SMTNL1: variants seen among roughly 807,000 people sequenced by gnomAD.
The protein encoded by SMTNL1 is smoothelin like 1, also known as smoothelin-like protein 1.
Under a neutral mutation model 46.6 loss-of-function variants are expected in SMTNL1, and 41 were observed. The observed-to-expected ratio is 0.88, with a 90% CI of 0.69 to 1.14. The LOEUF is 1.14. Among genes scored for constraint, SMTNL1 ranks in the 50% most tolerant of loss-of-function variants. The pLI, the probability that SMTNL1 is intolerant of heterozygous loss-of-function variation, is 0.00. For synonymous variants in SMTNL1, 234 were observed against 234.2 expected (o/e 1.00, Z 0.01); for missense variants, 591 against 626.1 (o/e 0.94, Z 0.60).
chr11:57,545,898 A>T lies in SMTNL1; in HGVS notation c.935A>T (p.Asp312Val). ...SPSASESSPS[D>V]VPQSPPESPS... ...CCATATAGTGAGTCTTCACCCAGCGACGTGCCCCAGAGTCCCCCTGAGTCC... is the reference window on the plus strand; with the variant it reads ...CCATATAGTGAGTCTTCACCCAGCGTCGTGCCCCAGAGTCCCCCTGAGTCC... Residue 312 changes from aspartate to valine, a missense_variant, in exon 5 of 8, where the codon GAC becomes GTC. Transcript: ENST00000527972. 1 of 1,613,302 alleles carries T rather than the reference A, an allele frequency of 6.2e-7. No individual in the cohort carries two copies. Among genetic ancestry groups the T allele is most frequent in the Non-Finnish European group, 8.5e-7 (1 of 1,179,620 alleles).
chr11:57,545,761 C>A, intron 4 of SMTNL1, 120 bp from the exon 5 acceptor site: 1 of 978,632 alleles, frequency 1.0e-6, no homozygotes, highest in Non-Finnish European at 1.5e-6. Flanking sequence ...GTGCTGGGCA[C>A]AGCTGCACAC....
chr11:57,541,138 A>C (rs1276481280), intron 1 of SMTNL1, among the ~76,000 whole-genome samples: 1 of 152,164 alleles, frequency 6.6e-6, no homozygotes, highest in African/African-American at 2.4e-5. Context: ...GAGGGCATCG[A>C]ATTCAGGAAC....
rs1944946935 is a variant in SMTNL1, at chr11:57,550,091, G to C, written c.1464G>C (p.Leu488=). The C allele has an allele frequency of 6.8e-6, 11 of 1,613,414 alleles. No homozygotes were observed. The East Asian group carries it at 2.5e-4, about 36-fold the overall frequency. The stretch of plus-strand genomic sequence containing the variant: ...ACCGCAGCCTTGTGCAGAAAGGACT[G>C]GTGAAGACCAAGAAGAAGTGAGGAG... The part of the protein sequence containing the change: ...ELYRSLVQKG[L]VKTKKK The change falls in exon 8 of 8, where the codon CTG becomes CTC. Residue 488 remains leucine, a synonymous_variant. Transcript: ENST00000527972.
At chr11:57,541,415 C>T (rs988560650) in intron 1 of SMTNL1, 5 of 1,240,060 alleles carry the variant, frequency 4.0e-6, no homozygotes, top group South Asian at 2.7e-5. Flanking sequence ...GGAGCTAACC[C>T]GGGGCCCCCA....
rs1299154843 is a variant in SMTNL1, at chr11:57,543,757, G to A, written c.865+1G>A. 7 of 1,558,228 alleles carry A rather than the reference G, an allele frequency of 4.5e-6. No individual in the cohort carries two copies. Among genetic ancestry groups the A allele is most frequent in the Non-Finnish European group, 6.1e-6 (7 of 1,150,950 alleles). ...GGGGAGGGGCACAACCTCAGCACAG[G>A]TGAGTGAGAGCCCAGAGCCCATGGG... is the stretch of plus-strand genomic sequence containing the variant. On this transcript the variant is annotated splice_donor_variant, in intron 3 of 7. Transcript: ENST00000527972. LOFTEE classifies it high-confidence loss of function.
rs1252947368 is a variant in SMTNL1 at position 57,543,321 on chromosome 11, G to C, written c.679G>C (p.Gly227Arg). ...EPDGKEEAKH[G>R]AKEEADAKEE... Reference sequence around the variant, plus strand: ...CGATGGGAAAGAGGAGGCCAAACATGGTGCAAAAGAGGAGGCTGATGCAAA... The same window carrying C: ...CGATGGGAAAGAGGAGGCCAAACATCGTGCAAAAGAGGAGGCTGATGCAAA... Residue 227 changes from glycine (G) to arginine (R), a missense_variant, in exon 2 of 8, where the codon GGT (glycine) becomes CGT (arginine). Transcript: ENST00000527972. 22 of 1,613,954 alleles carry C rather than the reference G, an allele frequency of 1.4e-5. No individual in the cohort carries two copies. The East Asian group carries it at 3.3e-4, about 25-fold the overall frequency.
chr11:57,541,643 G>A, intron 1 of SMTNL1: 1 of 1,304,408 alleles, frequency 7.7e-7, no homozygotes, highest in South Asian at 1.3e-5. Flanking sequence ...AGCTGGCAAA[G>A]CTCCAGAGAC....
At chr11:57,541,722 C>T (rs1263535110) in intron 1 of SMTNL1, among the ~76,000 whole-genome samples, 1 of 152,200 alleles carries the variant, frequency 6.6e-6, no homozygotes, top group African/African-American at 2.4e-5. Flanking sequence ...GCTACATCTG[C>T]ACTGCCTATA....
intron 1 of SMTNL1, among the ~76,000 whole-genome samples, chr11:57,540,152 G>A (rs1352018065): frequency 6.6e-6 from 1 of 152,174 alleles, no homozygotes; most frequent in East Asian, 1.9e-4. Flanking sequence ...GGAAAAAAGT[G>A]AGTTAAATGA....
rs575326752 is a variant in SMTNL1 at position 57,543,897 on chromosome 11, C to T, written c.894C>T (p.Ser298=). 2.1e-5 allele frequency: 33 copies of T among 1,590,384 alleles called. No individual in the cohort carries two copies. The highest frequency in any genetic ancestry group is 4.6e-5 in the East Asian group (2 of 43,858). The change falls in exon 4 of 8, where the codon TCC becomes TCT. Residue 298 remains serine, a synonymous_variant. Coordinates refer to ENST00000527972, the MANE Select transcript of SMTNL1 (RefSeq NM_001105565.3). ...GGCTGGGTCCAGACTGTGTAGCTTC[C>T]GGACAGACCAGTCCTTCAGCCAGGT... ...TDGLGPDCVA[S]GQTSPSASES...
chr11:57,548,701 AT>A (rs1351088625), intron 7 of SMTNL1, among the ~76,000 whole-genome samples: 1 of 152,112 alleles, frequency 6.6e-6, no homozygotes, highest in Non-Finnish European at 1.5e-5. Flanking sequence ...TTAAAAATAT[AT>A]AAAAAATACC....
intron 7 of SMTNL1, among the ~76,000 whole-genome samples, chr11:57,549,294 G>A (rs990502195): frequency 2.6e-5 from 4 of 152,090 alleles, no homozygotes; most frequent in Non-Finnish European, 5.9e-5. Flanking sequence ...CCAAAGTGCT[G>A]GGACTACAGG....
At chr11:57,548,166 C>T (rs2729368) in intron 7 of SMTNL1, among the ~76,000 whole-genome samples, 68,265 of 151,910 alleles carry the variant, frequency 0.45, 15,758 homozygotes, top group East Asian at 0.73. Context: ...CTCAGATTGT[C>T]GGCCTCAGCA....
At chr11:57,546,473 G>T in intron 6 of SMTNL1, 28 bp from the exon 7 acceptor site, 1 of 1,613,434 alleles carries the variant, frequency 6.2e-7, no homozygotes, top group East Asian at 2.2e-5. Flanking sequence ...GCCTCACTGA[G>T]GCCTCCTCTG....
Position 57,543,263 on chromosome 11 carries a change from G to A in SMTNL1, c.621G>A (p.Val207=). Residue 207 remains valine (V), a synonymous_variant, in exon 2 of 8, where the codon GTG becomes GTA. Transcript: ENST00000527972. ...EAKAESQKAV[V]EDEAKAEPKE... ...AGGCTGAATCGCAGAAGGCTGTTGT[G>A]GAGGATGAGGCTAAGGCTGAACCCA... 1 of 1,613,970 alleles carries A rather than the reference G, an allele frequency of 6.2e-7. No individual in the cohort carries two copies. The highest frequency in any genetic ancestry group is 1.3e-5 in the African/African-American group (1 of 75,048).
Position 57,542,808 on chromosome 11 carries a change from G to T in SMTNL1, c.166G>T (p.Ala56Ser), listed in dbSNP as rs1944889767. 1 of 1,613,822 alleles carries T rather than the reference G, an allele frequency of 6.2e-7. No homozygotes were observed. The highest frequency in any genetic ancestry group is 1.3e-5 in the African/African-American group (1 of 75,054). The part of the protein sequence containing the change: ...PPTESGKQEK[A>S]PAEDGMSAEL... Reference sequence around the variant, plus strand: ...CACTGAGTCAGGAAAGCAGGAAAAGGCACCAGCCGAGGACGGCATGTCAGC... The same window carrying T: ...CACTGAGTCAGGAAAGCAGGAAAAGTCACCAGCCGAGGACGGCATGTCAGC... The change falls in exon 2 of 8, where the codon GCA (alanine) becomes TCA (serine). Residue 56 changes from alanine (A) to serine (S), a missense_variant. By Grantham distance (99) the Ala-to-Ser change is moderately conservative. Transcript: ENST00000527972.
At chr11:57,541,175 G>A (rs1352777051) in intron 1 of SMTNL1, among the ~76,000 whole-genome samples, 2 of 152,190 alleles carry the variant, frequency 1.3e-5, no homozygotes, top group South Asian at 2.1e-4. Flanking sequence ...AGACCCCAGT[G>A]GGTGGTGGGA....
chr11:57,544,045 T>C (rs1341178433), intron 4 of SMTNL1, 125 bp downstream of exon 4: 1 of 1,029,114 alleles, frequency 9.7e-7, no homozygotes. Flanking sequence ...ATTCCTGGCA[T>C]TCAGCTTCCT....
chr11:57,540,475 C>T (rs377529954), intron 1 of SMTNL1, among the ~76,000 whole-genome samples: 1 of 152,156 alleles, frequency 6.6e-6, no homozygotes, highest in African/African-American at 2.4e-5. Flanking sequence ...TCCTTTCTCC[C>T]AACCCCACAG....
Sources: allele counts gnomAD v4.1 joint callset (sites outside exome capture counted in the v4.1 genomes callset), GRCh38; gene constraint gnomAD v4.1.1; transcripts MANE v1.5; gene names NCBI Gene and HGNC (gene_info 2026-07-23, HGNC 2026-07-21).